SLC23A2: variants seen among roughly 807,000 people sequenced by gnomAD.
The protein encoded by SLC23A2 is Na(+)/L-ascorbic acid transporter 2.
In SLC23A2, 36 loss-of-function variants were observed where a neutral mutation model predicts 73.3. The observed-to-expected ratio is 0.49, with a 90% CI of 0.38 to 0.65. SLC23A2 has a LOEUF of 0.65. SLC23A2 is among the 30% of genes least tolerant of loss of function. The pLI, the probability that SLC23A2 is intolerant of heterozygous loss-of-function variation, is 0.00. For synonymous variants in SLC23A2, 343 were observed against 327.3 expected, an observed-to-expected ratio of 1.05 and a Z score of -0.52; for missense variants, 507 against 841.6, an observed-to-expected ratio of 0.60 and a Z score of 4.92.
At chr20:5,008,132 ACTC>A (rs1443201222) in intron 1 of SLC23A2, among the ~76,000 whole-genome samples, 1 of 151,788 alleles carries the variant, frequency 6.6e-6, no homozygotes, top group Non-Finnish European at 1.5e-5. Context: ...CTGCTCTCGA[ACTC>A]CTGACCTCAG....
chr20:4,928,344 AAC>A (rs1932740234), intron 3 of SLC23A2, among the ~76,000 whole-genome samples: 3 of 152,240 alleles, frequency 2.0e-5, no homozygotes, highest in African/African-American at 7.2e-5. Flanking sequence ...CCCAGCCTAT[AAC>A]ATGTTTTCTA....
chr20:4,949,057 G>T (rs1009570383), intron 2 of SLC23A2, among the ~76,000 whole-genome samples: 1 of 152,010 alleles, frequency 6.6e-6, no homozygotes, highest in Non-Finnish European at 1.5e-5. Context: ...AGGCCAAGAC[G>T]GATGGATTAC....
At chr20:4,910,617 G>C (rs749046800) in intron 4 of SLC23A2, among the ~76,000 whole-genome samples, 2 of 152,040 alleles carry the variant, frequency 1.3e-5, no homozygotes, top group African/African-American at 2.4e-5. Flanking sequence ...TGTGTCTTTA[G>C]TAGAGACGGG....
intron 6 of SLC23A2, among the ~76,000 whole-genome samples, chr20:4,886,239 T>C (rs1931092603): frequency 6.6e-6 from 1 of 152,260 alleles, no homozygotes; most frequent in South Asian, 2.1e-4. Context: ...GTTCCCTCTT[T>C]CCTGCTGAGC....
chr20:4,913,624 T>A (rs1932231974), intron 3 of SLC23A2, among the ~76,000 whole-genome samples: 1 of 152,044 alleles, frequency 6.6e-6, no homozygotes, highest in Non-Finnish European at 1.5e-5. Context: ...GTTGTTGTTG[T>A]TGTTGTTTCG....
At chr20:4,944,698 C>T (rs575560844) in intron 2 of SLC23A2, among the ~76,000 whole-genome samples, 23 of 152,286 alleles carry the variant, frequency 1.5e-4, no homozygotes, top group African/African-American at 5.3e-4. Flanking sequence ...GGAGTGCCCT[C>T]TGGGATAAGG....
chr20:4,857,315 CA>C lies in SLC23A2; in HGVS notation c.1721-112del. On this transcript the variant is annotated intron_variant, in intron 16 of 16. Coordinates refer to ENST00000338244, the MANE Select transcript of SLC23A2 (RefSeq NM_005116.6). The surrounding 1 kb of genome is among the most constrained non-coding windows in gnomAD (Gnocchi z 4.0). ...ACACACACACACACACACACACACACACACACACACACACACACACATGGTC... is the reference window on the plus strand; with the variant it reads ...ACACACACACACACACACACACACACCACACACACACACACACACATGGTC... 1 of 599,298 alleles carries C rather than the reference CA, an allele frequency of 1.7e-6. No individual in the cohort carries two copies. Among genetic ancestry groups the C allele is most frequent in the South Asian group, 2.1e-5 (1 of 47,788 alleles). The allele number at this position is 599,298 out of a possible 1,614,324, so 37.1% of individuals were successfully genotyped here. A position where few individuals can be genotyped will look rare whatever the true frequency, so the allele number is the denominator to read the frequency against.
In SLC23A2 at chr20:4,857,023, C is replaced by G; in HGVS notation, c.1902G>C (p.Arg634Ser). Residue 634 changes from arginine to serine, a missense_variant, in exon 17 of 17, where the codon AGG becomes AGC. Transcript: ENST00000338244. This position sits in a 1 kb window ranked among gnomAD's most constrained non-coding sequence, Gnocchi z 4.0. Reference sequence around the variant, plus strand: ...CTGAACTCCGGCTGTTGTCGCTCTTCCTGAGGCCTTTCCATGTGTAGCCCA... The same window carrying G: ...CTGAACTCCGGCTGTTGTCGCTCTTGCTGAGGCCTTTCCATGTGTAGCCCA... ...TFVGYTWKGLRKSDNSRSSDE... is the reference protein window; with the variant it reads ...TFVGYTWKGLSKSDNSRSSDE... 1 of 1,614,216 alleles carries G rather than the reference C, an allele frequency of 6.2e-7. No individual in the cohort carries two copies. The highest frequency in any genetic ancestry group is 8.5e-7 in the Non-Finnish European group (1 of 1,180,032).
chr20:4,993,525 C>A (rs1198529692), intron 1 of SLC23A2, among the ~76,000 whole-genome samples: 2 of 150,344 alleles, frequency 1.3e-5, no homozygotes, highest in African/African-American at 4.9e-5. Flanking sequence ...AGATCAAAAA[C>A]AATGTATCTA....
At position 4,883,751 on chromosome 20, in the gene SLC23A2, G is replaced by A; in HGVS notation, c.715C>T (p.Leu239=). ...ATGGTCAAGGGACCGATGTACTTCAGTAGAGCCCCAGGCAGGCCGAGGAGG... is the reference window on the plus strand; with the variant it reads ...ATGGTCAAGGGACCGATGTACTTCAATAGAGCCCCAGGCAGGCCGAGGAGG... ...IGLLGLPGAL[L]KYIGPLTITP... is the part of the protein sequence containing the mutation. Residue 239 remains leucine, a synonymous_variant, in exon 9 of 17, where the codon CTG becomes TTG. Coordinates refer to ENST00000338244, the MANE Select transcript of SLC23A2 (RefSeq NM_005116.6). The surrounding 1 kb of genome is among the most constrained non-coding windows in gnomAD (Gnocchi z 4.5). The A allele has an allele frequency of 1.9e-6, 3 of 1,613,974 alleles. No individual in the cohort carries two copies. In the South Asian group the frequency reaches 3.3e-5, roughly 18 times the overall value.
chr20:4,925,928 C>G (rs1242168585), intron 3 of SLC23A2, among the ~76,000 whole-genome samples: 1 of 152,228 alleles, frequency 6.6e-6, no homozygotes, highest in African/African-American at 2.4e-5. Flanking sequence ...ATCACAGCAC[C>G]CGTGCAGAAT....
intron 1 of SLC23A2, among the ~76,000 whole-genome samples, chr20:4,973,165 CA>C (rs1373987038): frequency 9.8e-5 from 15 of 152,296 alleles, no homozygotes; most frequent in Non-Finnish European, 1.5e-4. Flanking sequence ...GGATACAGAT[CA>C]AACTGCTTTG....
chr20:4,960,387 C>G (rs76047740), intron 2 of SLC23A2, among the ~76,000 whole-genome samples: 3,944 of 152,246 alleles, frequency 0.026, 173 homozygotes, highest in African/African-American at 0.09. Context: ...CACTATGATC[C>G]AGCAAGGCCA....
intron 9 of SLC23A2, among the ~76,000 whole-genome samples, chr20:4,877,033 G>A (rs567929393): frequency 6.6e-6 from 1 of 151,446 alleles, no homozygotes; most frequent in East Asian, 1.9e-4. Context: ...GACGGGGGAG[G>A]GATAGCATTA....
At chr20:4,911,315 G>A (rs768457141) in intron 4 of SLC23A2, among the ~76,000 whole-genome samples, 5 of 152,150 alleles carry the variant, frequency 3.3e-5, no homozygotes, top group Non-Finnish European at 7.3e-5. Flanking sequence ...ATTTATAATA[G>A]CTCCAAGCAG....
rs1379569104 is a variant in SLC23A2 at position 4,857,128 on chromosome 20, C to A, written c.1797G>T (p.Glu599Asp). Residue 599 changes from glutamate to aspartate, a missense_variant, in exon 17 of 17, where the codon GAG becomes GAT. Glu to Asp is a conservative substitution (Grantham distance 45). Transcript: ENST00000338244. This position sits in a 1 kb window ranked among gnomAD's most constrained non-coding sequence, Gnocchi z 4.0. ...GKGNKSLDGM[E>D]SYNLPFGMNI... ...TCATGCCAAATGGCAAATTGTACGA[C>A]TCCATGCCGTCGAGTGATTTGTTCC... The A allele has an allele frequency of 6.2e-7, 1 of 1,614,030 alleles. No homozygotes were observed. The highest frequency in any genetic ancestry group is 8.5e-7 in the Non-Finnish European group (1 of 1,179,998).
At chr20:4,990,937 C>T (rs1015231082) in intron 1 of SLC23A2, among the ~76,000 whole-genome samples, 3 of 144,020 alleles carry the variant, frequency 2.1e-5, no homozygotes, top group South Asian at 2.2e-4. Flanking sequence ...GCACCACTGA[C>T]GCCAGCCTGG....
In SLC23A2 at chr20:4,897,832, T is replaced by C. The variant is rs139761203; in HGVS notation, c.482+1723A>G. Among the ~76,000 whole-genome samples, 476 of 152,270 alleles carry C rather than the reference T, an allele frequency of 3.1e-3. 4 individuals are homozygous for C. Among genetic ancestry groups the C allele is most frequent in the African/African-American group, 9.7e-3 (402 of 41,544 alleles). ...GCACACGGTACACACTTCACTGCAA[T>C]AAACACAGCTTTCATCCCCTATTCA... On this transcript the variant is annotated intron_variant, in intron 6 of 16. Coordinates refer to ENST00000338244, the MANE Select transcript of SLC23A2 (RefSeq NM_005116.6).
chr20:4,959,131 A>C (rs1489360522), intron 2 of SLC23A2, among the ~76,000 whole-genome samples: 2 of 152,086 alleles, frequency 1.3e-5, no homozygotes, highest in African/African-American at 4.8e-5. Context: ...AGGCAGGAGA[A>C]TCACTTGAAC....
Sources: allele counts gnomAD v4.1 joint callset (sites outside exome capture counted in the v4.1 genomes callset), GRCh38; gene constraint gnomAD v4.1.1; non-coding constraint Gnocchi (gnomAD v3.1); transcripts MANE v1.5; gene names NCBI Gene and HGNC (gene_info 2026-07-23, HGNC 2026-07-21).